MAML3: variants seen among roughly 807,000 people sequenced by gnomAD.
MAML3 encodes mastermind-like protein 3.
Under a neutral mutation model 101.9 loss-of-function variants are expected in MAML3, and 27 were observed. The observed-to-expected ratio is 0.27, with a 90% CI of 0.20 to 0.37. The LOEUF is 0.37. Among genes scored for constraint, MAML3 ranks in the 10% least tolerant of loss-of-function variants. The pLI is 1.00. For synonymous variants in MAML3, 501 were observed against 555.9 expected, an observed-to-expected ratio of 0.90 and a Z score of 1.39; for missense variants, 1,316 against 1,444.9, an observed-to-expected ratio of 0.91 and a Z score of 1.45.
At chr4:139,921,863 T>C (rs1733137313) in intron 1 of MAML3, among the ~76,000 whole-genome samples, 1 of 152,248 alleles carries the variant, frequency 6.6e-6, no homozygotes, top group Non-Finnish European at 1.5e-5. Flanking sequence ...TGCGGCTCAC[T>C]GCATGTTAAA....
intron 1 of MAML3, among the ~76,000 whole-genome samples, chr4:139,938,570 C>A (rs1168550331): frequency 6.6e-6 from 1 of 152,134 alleles, no homozygotes; most frequent in East Asian, 1.9e-4. Context: ...ATCTGATAGG[C>A]TTGTGGGAGT....
At chr4:140,096,662 A>T (rs1252762731) in intron 1 of MAML3, among the ~76,000 whole-genome samples, 2 of 152,118 alleles carry the variant, frequency 1.3e-5, no homozygotes, top group African/African-American at 4.8e-5. Flanking sequence ...GCAGAAGAGA[A>T]CCCTGACAAA....
chr4:139,921,181 G>T (rs1733124074), intron 1 of MAML3, among the ~76,000 whole-genome samples: 1 of 152,102 alleles, frequency 6.6e-6, no homozygotes, highest in Non-Finnish European at 1.5e-5. Context: ...GTCTGAATCT[G>T]GAGCTAGCCT....
chr4:140,056,748 C>T (rs553310888), intron 1 of MAML3, among the ~76,000 whole-genome samples: 8 of 149,998 alleles, frequency 5.3e-5, no homozygotes, highest in Non-Finnish European at 8.9e-5. Context: ...AGACAGAGGT[C>T]GCAATAAGCC....
At chr4:139,754,952 T>TA (rs1299482228) in intron 2 of MAML3, among the ~76,000 whole-genome samples, 2 of 152,254 alleles carry the variant, frequency 1.3e-5, no homozygotes, top group Non-Finnish European at 2.9e-5. Flanking sequence ...CTGTTCTCCT[T>TA]AATCAGCACG....
intron 1 of MAML3, among the ~76,000 whole-genome samples, chr4:140,014,073 T>C (rs972357312): frequency 6.6e-6 from 1 of 152,248 alleles, no homozygotes; most frequent in African/African-American, 2.4e-5. Context: ...GAACCATCTT[T>C]CTGTGATCTC....
At chr4:140,069,430 A>G (rs200170227) in intron 1 of MAML3, among the ~76,000 whole-genome samples, 9,558 of 29,894 alleles carry the variant, frequency 0.32, 1,754 homozygotes, top group Middle Eastern at 0.37. Context: ...GGGAAGGAGG[A>G]GAAGGAGGAG....
intron 1 of MAML3, among the ~76,000 whole-genome samples, chr4:140,074,109 C>A (rs946496392): frequency 1.4e-5 from 2 of 142,630 alleles, no homozygotes; most frequent in Non-Finnish European, 3.0e-5. Flanking sequence ...TCCAGCCTGG[C>A]GAGAGAGTGA....
At chr4:140,124,457 G>C (rs531603094) in intron 1 of MAML3, among the ~76,000 whole-genome samples, 1 of 152,274 alleles carries the variant, frequency 6.6e-6, no homozygotes, top group East Asian at 1.9e-4. Flanking sequence ...TTCTAGGAGG[G>C]AAACACGCTC....
At chr4:140,053,142 G>A (rs889891277) in intron 1 of MAML3, among the ~76,000 whole-genome samples, 12 of 151,944 alleles carry the variant, frequency 7.9e-5, no homozygotes, top group African/African-American at 2.2e-4. Context: ...TTCCTCAGAC[G>A]GTAATATGAA....
At chr4:140,038,776 T>C (rs186809353) in intron 1 of MAML3, among the ~76,000 whole-genome samples, 3 of 152,342 alleles carry the variant, frequency 2.0e-5, no homozygotes, top group African/African-American at 7.2e-5. Context: ...TTATTATTCA[T>C]GAAGGTGCTT....
At chr4:140,133,478 A>G (rs1728830946) in intron 1 of MAML3, among the ~76,000 whole-genome samples, 1 of 152,214 alleles carries the variant, frequency 6.6e-6, no homozygotes. Flanking sequence ...AGGACCACAA[A>G]GTGATAGTAT....
rs183331905 is a variant in MAML3 at position 140,020,343 on chromosome 4, A to G, written c.469-129376T>C. ...TTGAAAAGATGGAAGAAAACAGTAG[A>G]TATTTTAAAAGAACAGTTTTCAGAA... On this transcript the variant is annotated intron_variant, in intron 1 of 4. Coordinates refer to ENST00000509479, the MANE Select transcript of MAML3 (RefSeq NM_018717.5). 6.2e-4 allele frequency among the ~76,000 whole-genome samples: 94 copies of G among 152,252 alleles called. 1 individual carries two copies. The highest frequency in any genetic ancestry group is 2.2e-3 in the African/African-American group (90 of 41,534).
At chr4:139,839,709 A>AT (rs1393861474) in intron 2 of MAML3, among the ~76,000 whole-genome samples, 9 of 152,098 alleles carry the variant, frequency 5.9e-5, no homozygotes, top group African/African-American at 2.2e-4. Flanking sequence ...GAAACCGTGC[A>AT]TTTTTTTCTA....
At chr4:139,783,654 C>T (rs536514062) in intron 2 of MAML3, among the ~76,000 whole-genome samples, 29 of 152,320 alleles carry the variant, frequency 1.9e-4, no homozygotes, top group East Asian at 3.9e-4. Context: ...GACTGTCTCT[C>T]GGCATCATTC....
At chr4:140,015,291 T>C (rs556840449) in intron 1 of MAML3, among the ~76,000 whole-genome samples, 219 of 152,254 alleles carry the variant, frequency 1.4e-3, no homozygotes, top group Non-Finnish European at 2.4e-3. Flanking sequence ...TTTAAAATCA[T>C]GAAACATCAA....
At chr4:139,913,548 G>A (rs1242428581) in intron 1 of MAML3, among the ~76,000 whole-genome samples, 1 of 152,120 alleles carries the variant, frequency 6.6e-6, no homozygotes, top group Non-Finnish European at 1.5e-5. Context: ...GGTGATGAGT[G>A]CGAACAGATG....
intron 1 of MAML3, among the ~76,000 whole-genome samples, chr4:139,944,934 C>A (rs1733678890): frequency 6.7e-6 from 1 of 150,252 alleles, no homozygotes. Context: ...TTTGACCCAG[C>A]CATCCCATTA....
In MAML3 at chr4:139,807,977, TA is replaced by T. The variant is rs775740905; in HGVS notation, c.2080-77311del. ...CTGATTCATAGCCAGGGCTGTTCTA[TA>T]ATCAGGACTGAAGAGTGGAGTGGGG... On this transcript the variant is annotated intron_variant, in intron 2 of 4. Coordinates refer to ENST00000509479, the MANE Select transcript of MAML3 (RefSeq NM_018717.5). Among the ~76,000 whole-genome samples the T allele has an allele frequency of 1.4e-3, 211 of 152,352 alleles. 2 individuals carry two copies. Among genetic ancestry groups the T allele is most frequent in the Non-Finnish European group, 2.1e-3 (145 of 68,036 alleles).
Sources: allele counts gnomAD v4.1 joint callset (sites outside exome capture counted in the v4.1 genomes callset), GRCh38; gene constraint gnomAD v4.1.1; transcripts MANE v1.5; gene names NCBI Gene and HGNC (gene_info 2026-07-23, HGNC 2026-07-21).